PITHD1: variants seen among roughly 807,000 people sequenced by gnomAD.
PITHD1 encodes PITH domain containing 1.
A neutral mutation model predicts 27.5 loss-of-function variants in PITHD1; 8 were observed. The ratio of observed to expected loss-of-function variants is 0.29; its 90% CI spans 0.17 to 0.52. The LOEUF (loss-of-function observed/expected upper bound fraction) is 0.52. Ranked by LOEUF, PITHD1 falls within the 20% of genes least tolerant of loss-of-function variation. The pLI is 0.96. For missense variants in PITHD1, 233 were observed against 283.9 expected (o/e 0.82, Z 1.29); for synonymous variants, 118 against 106.8 (o/e 1.10, Z -0.64).
rs754600800 is a variant in PITHD1, at chr1:23,786,436, T to C, written c.534+13T>C. The stretch of plus-strand genomic sequence containing the variant: ...AGAGTGGACTGAGGTAAGATGGGGT[T>C]GGAAAGGTTTTCCCCTCATGTCTAC... On this transcript the variant is annotated intron_variant, in intron 5 of 5. Transcript: ENST00000246151. 1 of 1,368,812 alleles carries C rather than the reference T, an allele frequency of 7.3e-7. No homozygotes were observed. Among genetic ancestry groups the C allele is most frequent in the Non-Finnish European group, 1.0e-6 (1 of 963,298 alleles). The allele number at this position is 1,368,812 out of a possible 1,614,324, so 84.8% of individuals were successfully genotyped here. A position where few individuals can be genotyped will look rare whatever the true frequency, so the allele number is the denominator to read the frequency against.
In PITHD1 at chr1:23,783,410, C is replaced by CAT. The variant is rs755955224; in HGVS notation, c.321-2258_321-2257dup. 1.1e-4 allele frequency among the ~76,000 whole-genome samples: 15 copies of CAT among 138,520 alleles called. No individual in the cohort carries two copies. The South Asian group carries it at 1.1e-3, about 10-fold the overall frequency. 90.9% of individuals were successfully genotyped at this position (138,520 alleles called of 152,430 possible). A position where few individuals can be genotyped will look rare whatever the true frequency, so the allele number is the denominator to read the frequency against. On this transcript the variant is annotated intron_variant, in intron 3 of 5. Transcript: ENST00000246151. The stretch of plus-strand genomic sequence containing the variant: ...ATATACATATATACGCATATATACA[C>CAT]ATATATATGCGTATATATACGTGTG...
chr1:23,782,800 G>A (rs1358654524), intron 3 of PITHD1, among the ~76,000 whole-genome samples: 1 of 151,622 alleles, frequency 6.6e-6, no homozygotes, highest in African/African-American at 2.4e-5. Flanking sequence ...ATGGGGTTTT[G>A]TTATGTTGCC....
intron 1 of PITHD1, 31 bp from the exon 2 acceptor site, chr1:23,779,407 C>T: frequency 6.3e-7 from 1 of 1,586,862 alleles, no homozygotes; most frequent in Non-Finnish European, 8.7e-7. Flanking sequence ...ATATTTGTTG[C>T]TTTCTCCTCC....
rs1638573943 is a variant in PITHD1 at position 23,780,065 on chromosome 1, G to T, written c.320+124G>T. 11 of 666,718 alleles carry T rather than the reference G, an allele frequency of 1.6e-5. No individual in the cohort carries two copies. The East Asian group carries it at 2.7e-4, about 16-fold the overall frequency. The allele number at this position is 666,718 out of a possible 1,614,324, so 41.3% of individuals were successfully genotyped here. A position where few individuals can be genotyped will look rare whatever the true frequency, so the allele number is the denominator to read the frequency against. On this transcript the variant is annotated intron_variant, in intron 3 of 5. Coordinates refer to ENST00000246151, the MANE Select transcript of PITHD1 (RefSeq NM_020362.5). ...AATATTTCCCCTTTTAAAATATCTT[G>T]GTCCTGTTCTCATTCTGCATTGGAA...
chr1:23,781,935 A>G (rs777705294), intron 3 of PITHD1, among the ~76,000 whole-genome samples: 1 of 152,128 alleles, frequency 6.6e-6, no homozygotes, highest in Non-Finnish European at 1.5e-5. Context: ...CCTCAGTTCT[A>G]AGCACACTAC....
Position 23,786,334 on chromosome 1 carries a change from G to A in PITHD1, c.445G>A (p.Val149Ile), listed in dbSNP as rs200098866. 49 of 1,579,030 alleles carry A rather than the reference G, an allele frequency of 3.1e-5. No homozygotes were observed. Among genetic ancestry groups the A allele is most frequent in the Non-Finnish European group, 4.3e-5 (49 of 1,149,894 alleles). ...CTCTAGAATTTCTCGTTTTTCAAAT[G>A]TCTATCATCTCTCAATTCATATTTC... ...YATKISRFSN[V>I]YHLSIHISKN... Residue 149 changes from valine to isoleucine, a missense_variant, in exon 5 of 6, where the codon GTC (valine) becomes ATC (isoleucine). Coordinates refer to ENST00000246151, the MANE Select transcript of PITHD1 (RefSeq NM_020362.5).
At chr1:23,783,834 G>A (rs1638645211) in intron 3 of PITHD1, among the ~76,000 whole-genome samples, 1 of 152,164 alleles carries the variant, frequency 6.6e-6, no homozygotes, top group East Asian at 1.9e-4. Context: ...CAGGCTGATA[G>A]GCAAGATCAA....
Position 23,787,494 on chromosome 1 carries a change from T to A in PITHD1, c.*118T>A. The A allele has an allele frequency of 1.6e-6, 1 of 625,634 alleles. No homozygotes were observed. The highest frequency in any genetic ancestry group is 2.0e-5 in the South Asian group (1 of 51,050). The allele number at this position is 625,634 out of a possible 1,614,324, so 38.8% of individuals were successfully genotyped here. ...TGGCTGCCACAGCCTCTGCCAAGCT[T>A]TGTCTTTGGGGCTTGCTGCAGAAAC... On this transcript the variant is annotated 3_prime_UTR_variant, in exon 6 of 6. Coordinates refer to ENST00000246151, the MANE Select transcript of PITHD1 (RefSeq NM_020362.5).
chr1:23,786,232 G>A (rs993771413), intron 4 of PITHD1, 83 bp from the exon 5 acceptor site: 1 of 614,670 alleles, frequency 1.6e-6, no homozygotes, highest in Non-Finnish European at 3.0e-6. Flanking sequence ...ACAAGCTGGA[G>A]CTGAATTGTT....
Position 23,778,705 on chromosome 1 carries a change from C to G in PITHD1, c.190C>G (p.Arg64Gly). The change falls in exon 1 of 6, where the codon CGC (arginine) becomes GGC (glycine). Residue 64 changes from arginine (R) to glycine (G), a missense_variant. By Grantham distance (125) the Arg-to-Gly change is moderately radical. Transcript: ENST00000246151. ...CAAGCCGTGGGAGGAGCGGACCGAC[C>G]GCTCCAAGGTGGGCCGCCTGGGGCT... ...VFKPWEERTD[R>G]SKFVESDADE... is the part of the protein sequence containing the mutation. 7.7e-7 allele frequency: 1 copy of G among 1,294,002 alleles called. No homozygotes were observed. Among genetic ancestry groups the G allele is most frequent in the Admixed American group, 4.1e-5 (1 of 24,282 alleles). 80.2% of individuals were successfully genotyped at this position (1,294,002 alleles called of 1,614,324 possible).
chr1:23,787,423 C>T lies in PITHD1; in HGVS notation c.*47C>T, dbSNP rs202160215. 30 of 1,064,564 alleles carry T rather than the reference C, an allele frequency of 2.8e-5. No homozygotes were observed. The highest frequency in any genetic ancestry group is 1.4e-4 in the Admixed American group (8 of 56,606). 65.9% of individuals were successfully genotyped at this position (1,064,564 alleles called of 1,614,324 possible). A position where few individuals can be genotyped will look rare whatever the true frequency, so the allele number is the denominator to read the frequency against. ...GAGGCGCTGTGTCAGTGAAGATGTA[C>T]GACTACCTGTTGGGAAGGACAAAGG... is the stretch of plus-strand genomic sequence containing the variant. On this transcript the variant is annotated 3_prime_UTR_variant, in exon 6 of 6. Transcript: ENST00000246151.
chr1:23,782,808 G>T (rs1322826836), intron 3 of PITHD1, among the ~76,000 whole-genome samples: 5 of 151,722 alleles, frequency 3.3e-5, no homozygotes, highest in African/African-American at 4.8e-5. Flanking sequence ...TTGTTATGTT[G>T]CCCAGGCTGG....
intron 3 of PITHD1, 44 bp downstream of exon 3, chr1:23,779,985 C>T: frequency 5.0e-6 from 6 of 1,195,348 alleles, no homozygotes; most frequent in Non-Finnish European, 7.5e-6. Context: ...TCCTAATTCT[C>T]TTTTTCTGGT....
At chr1:23,780,870 A>G (rs1438388187) in intron 3 of PITHD1, among the ~76,000 whole-genome samples, 2 of 151,800 alleles carry the variant, frequency 1.3e-5, no homozygotes, top group East Asian at 3.9e-4. Context: ...ATGAGACCCC[A>G]TCTCAAAAGT....
At chr1:23,782,857 C>T (rs1638622752) in intron 3 of PITHD1, among the ~76,000 whole-genome samples, 1 of 151,994 alleles carries the variant, frequency 6.6e-6, no homozygotes, top group African/African-American at 2.4e-5. Flanking sequence ...CCCACCTCAG[C>T]CTCCCAGTGT....
At chr1:23,786,908 A>G (rs1377928353) in intron 5 of PITHD1, among the ~76,000 whole-genome samples, 2 of 152,086 alleles carry the variant, frequency 1.3e-5, no homozygotes, top group African/African-American at 2.4e-5. Context: ...TGTCATTTAT[A>G]TTAATTCACA....
Position 23,787,432 on chromosome 1 carries a change from G to A in PITHD1, c.*56G>A, listed in dbSNP as rs1349709993. ...TGTCAGTGAAGATGTACGACTACCT[G>A]TTGGGAAGGACAAAGGGATGAGGCT... On this transcript the variant is annotated 3_prime_UTR_variant, in exon 6 of 6. Transcript: ENST00000246151. 1.0e-6 allele frequency: 1 copy of A among 996,692 alleles called. No individual in the cohort carries two copies. Among genetic ancestry groups the A allele is most frequent in the African/African-American group, 1.6e-5 (1 of 62,502 alleles). The allele number at this position is 996,692 out of a possible 1,614,324, so 61.7% of individuals were successfully genotyped here. A position where few individuals can be genotyped will look rare whatever the true frequency, so the allele number is the denominator to read the frequency against.
chr1:23,787,352 C>T lies in PITHD1; in HGVS notation c.612C>T (p.Thr204=), dbSNP rs1173250203. ...CAGACCATAGGGTCCATCAGGTTAC[C>T]CCACAGACACACTTTATTTCCTAAG... ...NPADHRVHQV[T]PQTHFIS is the part of the protein sequence containing the mutation. Residue 204 remains threonine (T), a synonymous_variant, in exon 6 of 6, where the codon ACC becomes ACT. Transcript: ENST00000246151. 1 of 1,607,138 alleles carries T rather than the reference C, an allele frequency of 6.2e-7. No individual in the cohort carries two copies. The highest frequency in any genetic ancestry group is 8.5e-7 in the Non-Finnish European group (1 of 1,174,092).
chr1:23,778,487 C>T lies in PITHD1; in HGVS notation c.-29C>T. The T allele has an allele frequency of 7.5e-7, 1 of 1,335,066 alleles. No individual in the cohort carries two copies. The highest frequency in any genetic ancestry group is 1.5e-5 in the African/African-American group (1 of 65,132). 82.7% of individuals were successfully genotyped at this position (1,335,066 alleles called of 1,614,324 possible). ...AGCCGAGCGAGCGCGGCGGTGGGGC[C>T]GAGAGGACGCGCAGGTGGCGGCGTT... On this transcript the variant is annotated 5_prime_UTR_variant, in exon 1 of 6. Transcript: ENST00000246151.
Sources: allele counts gnomAD v4.1 joint callset (sites outside exome capture counted in the v4.1 genomes callset), GRCh38; gene constraint gnomAD v4.1.1; transcripts MANE v1.5; gene names NCBI Gene and HGNC (gene_info 2026-07-23, HGNC 2026-07-21).